Variants in HAUS1 observed in about 807,000 individuals in gnomAD.
HAUS1 encodes the protein HAUS augmin like complex subunit 1.
In HAUS1, 25 loss-of-function variants were observed where a neutral mutation model predicts 38.6. That is an observed-to-expected ratio of 0.65 (90% CI 0.47 to 0.91). The LOEUF is 0.91. Among genes scored for constraint, HAUS1 ranks in the 40% least tolerant of loss-of-function variants. HAUS1 has a pLI of 0.00. For missense variants in HAUS1, 325 were observed against 328.4 expected, an observed-to-expected ratio of 0.99 and a Z score of 0.08; for synonymous variants, 109 against 112.9, an observed-to-expected ratio of 0.97 and a Z score of 0.22.
chr18:46,107,763 A>G (rs1436083839), intron 2 of HAUS1, among the ~76,000 whole-genome samples: 1 of 152,174 alleles, frequency 6.6e-6, no homozygotes, highest in Non-Finnish European at 1.5e-5. Flanking sequence ...TGCAGTTTTT[A>G]TTTCTGCAAA....
At chr18:46,121,409 C>T (rs2144262049) in intron 4 of HAUS1, among the ~76,000 whole-genome samples, 1 of 152,176 alleles carries the variant, frequency 6.6e-6, no homozygotes, top group East Asian at 1.9e-4. Flanking sequence ...CCAGGCTGGT[C>T]TCGAACTTCA....
chr18:46,118,414 T>C, intron 3 of HAUS1, 98 bp downstream of exon 3: 1 of 1,180,650 alleles, frequency 8.5e-7, no homozygotes. Context: ...AAATTGGCAA[T>C]AAATACAAAG....
At chr18:46,120,107 A>G (rs888701577) in intron 4 of HAUS1, 47 bp downstream of exon 4, 6 of 1,342,480 alleles carry the variant, frequency 4.5e-6, no homozygotes, top group Non-Finnish European at 3.1e-6. Flanking sequence ...ATAAGGGAGT[A>G]ATAGGACATT....
chr18:46,106,002 G>GT (rs1411983490), intron 2 of HAUS1, among the ~76,000 whole-genome samples: 1 of 152,124 alleles, frequency 6.6e-6, no homozygotes, highest in Non-Finnish European at 1.5e-5. Flanking sequence ...ATGCCTTGTG[G>GT]TTTTTTACTT....
chr18:46,107,665 G>A (rs577797327), intron 2 of HAUS1, among the ~76,000 whole-genome samples: 1 of 152,140 alleles, frequency 6.6e-6, no homozygotes, highest in Non-Finnish European at 1.5e-5. Context: ...CTCCATTTGC[G>A]ATTCTAAAAA....
chr18:46,122,381 G>A lies in HAUS1; in HGVS notation c.477-86G>A, dbSNP rs1009225610. On this transcript the variant is annotated intron_variant, in intron 4 of 8. Transcript: ENST00000282058. The stretch of plus-strand genomic sequence containing the variant: ...ACCAACTCTTGGCCAAGCCAGCATT[G>A]AATCCAAAAGTAGTAGAGTTTCTAT... 4 of 1,388,412 alleles carry A rather than the reference G, an allele frequency of 2.9e-6. No homozygotes were observed. The African/African-American group carries it at 4.3e-5, about 15-fold the overall frequency. 86.0% of individuals were successfully genotyped at this position (1,388,412 alleles called of 1,614,324 possible). A position where few individuals can be genotyped will look rare whatever the true frequency, so the allele number is the denominator to read the frequency against.
intron 3 of HAUS1, among the ~76,000 whole-genome samples, chr18:46,118,982 C>T (rs935151361): frequency 6.6e-6 from 1 of 152,168 alleles, no homozygotes; most frequent in African/African-American, 2.4e-5. Flanking sequence ...ATTCTCCTAC[C>T]TCAGCCTCCC....
chr18:46,118,741 T>C (rs1452623178), intron 3 of HAUS1, among the ~76,000 whole-genome samples: 1 of 152,190 alleles, frequency 6.6e-6, no homozygotes. Flanking sequence ...TTTAGAGGAA[T>C]CAGGAGGTGT....
chr18:46,109,586 G>A (rs79829104), intron 2 of HAUS1: 11,120 of 151,518 alleles, frequency 0.073, 503 homozygotes, highest in African/African-American at 0.13. Flanking sequence ...AGAAGTATGT[G>A]TATTCTCTTG....
intron 6 of HAUS1, among the ~76,000 whole-genome samples, chr18:46,124,215 G>A (rs1051000101): frequency 1.3e-5 from 2 of 151,910 alleles, no homozygotes; most frequent in African/African-American, 4.8e-5. Context: ...TTTGAGACCA[G>A]CCTGGCCAAA....
At chr18:46,110,864 T>C (rs1371064838) in intron 2 of HAUS1, among the ~76,000 whole-genome samples, 2 of 144,002 alleles carry the variant, frequency 1.4e-5, no homozygotes, top group African/African-American at 5.4e-5. Context: ...GTTTTTTTTT[T>C]CTCTTGCTGC....
chr18:46,115,310 T>A (rs976335325), intron 2 of HAUS1: 23 of 152,138 alleles, frequency 1.5e-4, no homozygotes, highest in African/African-American at 5.1e-4. Context: ...AATGCAAAAA[T>A]TAGCCAGGCA....
At chr18:46,108,868 A>G (rs551818266) in intron 2 of HAUS1, among the ~76,000 whole-genome samples, 46 of 152,150 alleles carry the variant, frequency 3.0e-4, no homozygotes, top group East Asian at 9.7e-4. Context: ...TCAGGCGATC[A>G]AGACCATCCT....
chr18:46,117,726 C>T (rs561729925), intron 2 of HAUS1, among the ~76,000 whole-genome samples: 18 of 152,062 alleles, frequency 1.2e-4, no homozygotes, highest in African/African-American at 4.3e-4. Flanking sequence ...GGGCGGATCA[C>T]GAGGTCAGGA....
chr18:46,124,859 AG>A lies in HAUS1; in HGVS notation c.705del (p.Lys237AsnfsTer6). The A allele has an allele frequency of 3.7e-6, 6 of 1,606,434 alleles. No homozygotes were observed. The highest frequency in any genetic ancestry group is 5.1e-6 in the Non-Finnish European group (6 of 1,174,124). On this transcript the variant is annotated frameshift_variant, in exon 7 of 9. Coordinates refer to ENST00000282058, the MANE Select transcript of HAUS1 (RefSeq NM_138443.4). LOFTEE classifies it high-confidence loss of function. The stretch of plus-strand genomic sequence containing the variant: ...TTAAAGCAACAGACTATACCTTTGA[AG>A]AAAAAATTGGAGTCCTATTTAGACT... ...ARLKQQTIPL[K>X]KKLESYLDLM...
Position 46,118,201 on chromosome 18 carries a change from C to G in HAUS1, c.226C>G (p.Leu76Val), listed in dbSNP as rs777754485. 12 of 1,611,922 alleles carry G rather than the reference C, an allele frequency of 7.4e-6. No homozygotes were observed. The highest frequency in any genetic ancestry group is 1.0e-5 in the Non-Finnish European group (12 of 1,179,860). Residue 76 changes from leucine (L) to valine (V), a missense_variant, in exon 3 of 9, where the codon CTC becomes GTC. Leu to Val is a conservative substitution (Grantham distance 32, BLOSUM62 1). Transcript: ENST00000282058. ...ESEAKYLQDL[L>V]MESVNFSPAN... ...TTTAGCCAAGTATCTTCAAGACCTT[C>G]TCATGGAGAGTGTGAATTTTTCCCC...
At chr18:46,107,067 T>C (rs1317068852) in intron 2 of HAUS1, among the ~76,000 whole-genome samples, 1 of 151,884 alleles carries the variant, frequency 6.6e-6, no homozygotes, top group Non-Finnish European at 1.5e-5. Flanking sequence ...TACAGTAAAA[T>C]TGACTTTTTA....
intron 5 of HAUS1, 92 bp downstream of exon 5, chr18:46,122,682 G>T: frequency 7.1e-7 from 1 of 1,415,638 alleles, no homozygotes. Context: ...CCTTTTTACA[G>T]ATGAGAGGAC....
chr18:46,118,871 T>G (rs1911862086), intron 3 of HAUS1, among the ~76,000 whole-genome samples: 1 of 152,142 alleles, frequency 6.6e-6, no homozygotes, highest in African/African-American at 2.4e-5. Context: ...ATATTTTGTT[T>G]TAGTTTTTGT....
Sources: gnomAD v4.1 joint callset for allele counts (sites outside exome capture counted in the v4.1 genomes callset) on GRCh38, gnomAD v4.1.1 for gene constraint, MANE v1.5 for transcripts, NCBI Gene and HGNC (gene_info 2026-07-23, HGNC 2026-07-21) for gene names.